The following NF2 variants were observed in gnomAD, a reference collection of about 807,000 sequenced individuals.
The protein encoded by NF2 is NF2, moesin-ezrin-radixin like (MERLIN) tumor suppressor.
A neutral mutation model predicts 83.7 loss-of-function variants in NF2; 8 were observed. The ratio of observed to expected loss-of-function variants is 0.10; its 90% confidence interval spans 0.06 to 0.17. NF2 has a LOEUF of 0.17. Ranked by LOEUF, NF2 falls within the 10% of genes least tolerant of loss-of-function variation. NF2 has a pLI of 1.00. For synonymous variants in NF2, 266 were observed against 269.6 expected (o/e 0.99, Z 0.13); for missense variants, 533 against 744.4 (o/e 0.72, Z 3.31).
In NF2 at chr22:29,634,440, A is replaced by T. The variant is rs148743059; in HGVS notation, c.115-2311A>T. Reference sequence around the variant, plus strand: ...AGGAAAACTGCATTAATACAATTTTATGCTGGAGAATTTAAACTCCCATGT... The same window carrying T: ...AGGAAAACTGCATTAATACAATTTTTTGCTGGAGAATTTAAACTCCCATGT... On this transcript the variant is annotated intron_variant, in intron 1 of 15. Transcript: ENST00000338641. 2.0e-5 allele frequency among the ~76,000 whole-genome samples: 3 copies of T among 152,364 alleles called. No homozygotes were observed. The East Asian group carries it at 5.8e-4, about 29-fold the overall frequency.
intron 2 of NF2, among the ~76,000 whole-genome samples, chr22:29,638,093 C>G (rs1283465555): frequency 6.6e-6 from 1 of 152,118 alleles, no homozygotes; most frequent in Non-Finnish European, 1.5e-5. Flanking sequence ...GTTAATGGAG[C>G]CTTGTAGCCT....
chr22:29,643,551 A>G (rs2065875029), intron 4 of NF2, among the ~76,000 whole-genome samples: 1 of 152,130 alleles, frequency 6.6e-6, no homozygotes, highest in Admixed American at 6.5e-5. Flanking sequence ...CACCGCCCTT[A>G]ATCCATTTAA....
At chr22:29,625,167 T>C (rs2065332570) in intron 1 of NF2, among the ~76,000 whole-genome samples, 1 of 152,104 alleles carries the variant, frequency 6.6e-6, no homozygotes, top group Non-Finnish European at 1.5e-5. Flanking sequence ...GACCTCGTGA[T>C]CCACGCTCCT....
chr22:29,673,931 C>T (rs1221195556), intron 12 of NF2, among the ~76,000 whole-genome samples: 5 of 152,212 alleles, frequency 3.3e-5, no homozygotes, highest in Admixed American at 2.0e-4. Flanking sequence ...CTGCATCCCC[C>T]AGCCTTTCTT....
chr22:29,673,179 T>G, intron 11 of NF2, 90 bp from the exon 12 acceptor site: 5 of 1,391,224 alleles, frequency 3.6e-6, no homozygotes, highest in Non-Finnish European at 5.0e-6. Context: ...AGTCCGAGAC[T>G]CTGGTTTGTC....
rs2065513836 is a variant in NF2 at position 29,631,601 on chromosome 22, G to A, written c.115-5150G>A. Among the ~76,000 whole-genome samples, 3 of 152,138 alleles carry A rather than the reference G, an allele frequency of 2.0e-5. No homozygotes were observed. The South Asian group carries it at 6.2e-4, about 31-fold the overall frequency. ...ATGGTTAGCTCAGTGAGAATTGATG[G>A]TGCCCTTTGTGATCTGTCATCCATC... On this transcript the variant is annotated intron_variant, in intron 1 of 15. Transcript: ENST00000338641.
intron 1 of NF2, among the ~76,000 whole-genome samples, chr22:29,624,845 C>CTT (rs1358377151): frequency 7.0e-6 from 1 of 143,758 alleles, no homozygotes. Context: ...TTCTTTCTTT[C>CTT]TTTCTTTCTT....
At chr22:29,681,067 TAA>T (rs1257912029) in intron 14 of NF2, among the ~76,000 whole-genome samples, 20 of 146,214 alleles carry the variant, frequency 1.4e-4, no homozygotes, top group Non-Finnish European at 2.1e-4. Context: ...TTTTTTTTTT[TAA>T]AAATAGAGAC....
chr22:29,668,186 AGTAGG>A (rs2066679985), intron 9 of NF2, 142 bp from the exon 10 acceptor site: 1 of 658,174 alleles, frequency 1.5e-6, no homozygotes, highest in Non-Finnish European at 2.8e-6. Context: ...AGAGGCCACT[AGTAGG>A]GCTTTGGTGT....
chr22:29,617,525 A>G (rs886543184), intron 1 of NF2, among the ~76,000 whole-genome samples: 1 of 152,088 alleles, frequency 6.6e-6, no homozygotes, highest in Non-Finnish European at 1.5e-5. Flanking sequence ...GACATTGTCA[A>G]GTGTCCCTGG....
chr22:29,617,271 C>T (rs555498014), intron 1 of NF2, among the ~76,000 whole-genome samples: 4 of 152,212 alleles, frequency 2.6e-5, no homozygotes, highest in African/African-American at 9.6e-5. Context: ...GCAATTTTGC[C>T]AGGAAAAGCT....
chr22:29,648,836 C>T (rs985293251), intron 4 of NF2, among the ~76,000 whole-genome samples: 1 of 152,304 alleles, frequency 6.6e-6, no homozygotes, highest in Admixed American at 6.5e-5. Context: ...ACTCTATACC[C>T]GCCTCAGCCT....
chr22:29,692,049 A>G (rs1226146506), intron 15 of NF2, among the ~76,000 whole-genome samples: 3 of 152,192 alleles, frequency 2.0e-5, no homozygotes, highest in Admixed American at 1.3e-4. Flanking sequence ...GAATTGCACA[A>G]TGAGGGTAAA....
At chr22:29,682,855 C>T (rs2067176544) in intron 15 of NF2, 1 of 764,396 alleles carries the variant, frequency 1.3e-6, no homozygotes, top group South Asian at 1.5e-5. Context: ...GCCACAGAAA[C>T]CTGCAGTGTG....
At chr22:29,645,179 T>TAGA (rs1359773554) in intron 4 of NF2, among the ~76,000 whole-genome samples, 1 of 152,122 alleles carries the variant, frequency 6.6e-6, no homozygotes, top group East Asian at 1.9e-4. Context: ...GTCAGACCAA[T>TAGA]AGAAGCACCA....
rs762937616 is a variant in NF2, at chr22:29,682,979, G to A, written c.1737+1378G>A. ...ACTTATGGCATTGTTGATATCACAG[G>A]GTATGTTTTTGTTTTTCTTCATTTT... On this transcript the variant is annotated intron_variant, in intron 15 of 15. Transcript: ENST00000338641. The A allele has an allele frequency of 1.9e-6, 3 of 1,611,280 alleles. No homozygotes were observed. In the East Asian group the frequency reaches 6.7e-5, roughly 36 times the overall value.
In NF2 at chr22:29,694,471, G is replaced by T. The variant is rs1483721246; in HGVS notation, c.1738-281G>T. ...CTATTAAAATAGGCAGGGATCTCCGGTCCTCTGTCAAGAGGCAATGCTGAC... is the reference window on the plus strand; with the variant it reads ...CTATTAAAATAGGCAGGGATCTCCGTTCCTCTGTCAAGAGGCAATGCTGAC... On this transcript the variant is annotated intron_variant, in intron 15 of 15. Coordinates refer to ENST00000338641, the MANE Select transcript of NF2 (RefSeq NM_000268.4). The surrounding 1 kb of genome is among the most constrained non-coding windows in gnomAD (Gnocchi z 4.1). 1.3e-5 allele frequency among the ~76,000 whole-genome samples: 2 copies of T among 152,212 alleles called. No homozygotes were observed. Among genetic ancestry groups the T allele is most frequent in the East Asian group, 1.9e-4 (1 of 5,204 alleles).
rs1362285472 is a variant in NF2, at chr22:29,654,839, A to G, written c.516+114A>G. On this transcript the variant is annotated intron_variant, in intron 5 of 15. Coordinates refer to ENST00000338641, the MANE Select transcript of NF2 (RefSeq NM_000268.4). ...GTACATAGCAATTTAATTTTAATAA[A>G]TATTTTGTAATCTCCAGTAAACAGT... is the stretch of plus-strand genomic sequence containing the variant. 4.9e-6 allele frequency: 4 copies of G among 815,800 alleles called. No homozygotes were observed. In the African/African-American group the frequency reaches 5.1e-5, roughly 10 times the overall value. The allele number at this position is 815,800 out of a possible 1,614,324, so 50.5% of individuals were successfully genotyped here. A position where few individuals can be genotyped will look rare whatever the true frequency, so the allele number is the denominator to read the frequency against.
rs931267523 is a variant in NF2, at chr22:29,697,040, C to T, written c.*2238C>T. 2 of 188,952 alleles carry T rather than the reference C, an allele frequency of 1.1e-5. No individual in the cohort carries two copies. The highest frequency in any genetic ancestry group is 4.7e-5 in the African/African-American group (2 of 42,796). The allele number at this position is 188,952 out of a possible 1,614,324, so 11.7% of individuals were successfully genotyped here. A position where few individuals can be genotyped will look rare whatever the true frequency, so the allele number is the denominator to read the frequency against. On this transcript the variant is annotated 3_prime_UTR_variant, in exon 16 of 16. Transcript: ENST00000338641. ...CCATGTTAGCCAGACTGGTCTCGAA[C>T]TCCTGACCTCAGGTGATCCTCCCAC...
Sources: allele counts gnomAD v4.1 joint callset (sites outside exome capture counted in the v4.1 genomes callset), GRCh38; gene constraint gnomAD v4.1.1; non-coding constraint Gnocchi (gnomAD v3.1); transcripts MANE v1.5; gene names NCBI Gene and HGNC (gene_info 2026-07-23, HGNC 2026-07-21).